ARHGEF3: variants seen among roughly 807,000 people sequenced by gnomAD.
ARHGEF3 encodes the protein 59.8 kDA protein.
In ARHGEF3, 28 loss-of-function variants were observed where a neutral mutation model predicts 63.2. The ratio of observed to expected loss-of-function variants is 0.44; its 90% CI spans 0.33 to 0.61. The LOEUF is 0.61. Among genes scored for constraint, ARHGEF3 ranks in the 20% least tolerant of loss-of-function variants. The pLI is 0.03. For synonymous variants in ARHGEF3, 266 were observed against 254.2 expected (o/e 1.05, Z -0.44); for missense variants, 533 against 659.3 (o/e 0.81, Z 2.10).
intron 4 of ARHGEF3, among the ~76,000 whole-genome samples, chr3:56,857,703 T>G (rs1418700375): frequency 1.3e-5 from 2 of 152,206 alleles, no homozygotes; most frequent in African/African-American, 4.8e-5. Context: ...GGGAATCTGG[T>G]GCCATTTCCT....
intron 2 of ARHGEF3, among the ~76,000 whole-genome samples, chr3:57,015,393 T>C (rs1025467475): frequency 1.3e-5 from 2 of 152,182 alleles, no homozygotes; most frequent in African/African-American, 4.8e-5. Context: ...AGGACCCTCC[T>C]TAGAAAGGTG....
At chr3:56,850,994 G>A (rs1298438684) in intron 4 of ARHGEF3, among the ~76,000 whole-genome samples, 1 of 152,140 alleles carries the variant, frequency 6.6e-6, no homozygotes, top group East Asian at 1.9e-4. Flanking sequence ...AGTGAAGACT[G>A]AATCCCAGGC....
At chr3:56,837,515 A>G (rs2039156242) in intron 4 of ARHGEF3, among the ~76,000 whole-genome samples, 2 of 152,214 alleles carry the variant, frequency 1.3e-5, no homozygotes, top group South Asian at 2.1e-4. Flanking sequence ...AGATGGTCCA[A>G]TAATTACCAA....
rs754036374 is a variant in ARHGEF3, at chr3:56,732,293, A to T, written c.1173T>A (p.Asp391Glu). 10 of 1,614,126 alleles carry T rather than the reference A, an allele frequency of 6.2e-6. No homozygotes were observed. Among genetic ancestry groups the T allele is most frequent in the East Asian group, 2.2e-5 (1 of 44,866 alleles). ...GGGAGCCACCCAGCCTCACTTCTCC[A>T]TCCTGGAGGTCTTCCAGCAGGAGGT... is the stretch of plus-strand genomic sequence containing the variant. ...VKDLLLEDLQ[D>E]GEVRLGGSLR... is the part of the protein sequence containing the mutation. The change falls in exon 9 of 10, where the codon GAT becomes GAA. Residue 391 changes from aspartate to glutamate, a missense_variant. By Grantham distance (45) the Asp-to-Glu change is conservative. This residue lies in a region of ARHGEF3 where 151 missense variants were observed against 190.7 expected (regional missense o/e 0.79). Coordinates refer to ENST00000296315, the MANE Select transcript of ARHGEF3 (RefSeq NM_019555.3).
At chr3:56,934,474 G>A (rs945153216) in intron 3 of ARHGEF3, among the ~76,000 whole-genome samples, 14 of 152,158 alleles carry the variant, frequency 9.2e-5, no homozygotes, top group Admixed American at 2.0e-4. Context: ...AAGGAGAGTC[G>A]CGAGTGGGAA....
intron 4 of ARHGEF3, among the ~76,000 whole-genome samples, chr3:56,849,928 G>A (rs959393718): frequency 6.6e-5 from 10 of 152,100 alleles, no homozygotes; most frequent in Admixed American, 2.0e-4. Context: ...TGGAAAACAC[G>A]CCTTACCAAA....
chr3:56,833,880 A>T (rs1462962602), intron 4 of ARHGEF3, among the ~76,000 whole-genome samples: 1 of 151,336 alleles, frequency 6.6e-6, no homozygotes, highest in Non-Finnish European at 1.5e-5. Context: ...TAACTGTTCA[A>T]TTTTTCTGGA....
Position 56,859,162 on chromosome 3 carries a change from T to C in ARHGEF3, c.192+23130A>G, listed in dbSNP as rs1328008033. On this transcript the variant is annotated intron_variant, in intron 4 of 12. Transcript: ENST00000338458. Reference sequence around the variant, plus strand: ...AGACTTTAAGTTGACTGTATTATTGTTTTGTTTTGTTTTTGAGACGGATGG... The same window carrying C: ...AGACTTTAAGTTGACTGTATTATTGCTTTGTTTTGTTTTTGAGACGGATGG... Among the ~76,000 whole-genome samples the C allele has an allele frequency of 2.0e-5, 3 of 152,108 alleles. No homozygotes were observed. In the East Asian group the frequency reaches 5.8e-4, roughly 29 times the overall value.
At chr3:56,915,234 A>G (rs1033924713) in intron 3 of ARHGEF3, among the ~76,000 whole-genome samples, 1 of 152,072 alleles carries the variant, frequency 6.6e-6, no homozygotes, top group African/African-American at 2.4e-5. Context: ...CTTGAGCTCA[A>G]GGAGGATTGC....
At chr3:56,974,905 C>G (rs1016656183) in intron 2 of ARHGEF3, among the ~76,000 whole-genome samples, 1 of 152,118 alleles carries the variant, frequency 6.6e-6, no homozygotes, top group Admixed American at 6.6e-5. Flanking sequence ...ATTTTTCTAA[C>G]CAGGACTCCT....
At position 57,004,308 on chromosome 3, in the gene ARHGEF3, G is replaced by A. The variant is rs1306217069; in HGVS notation, c.62+30780C>T. On this transcript the variant is annotated intron_variant, in intron 2 of 12. Transcript: ENST00000338458. ...AGTGGATTCATTTTCTAATAGATCC[G>A]CCCTGATAACGTGTCCACATTTGCA... is the stretch of plus-strand genomic sequence containing the variant. 3.3e-5 allele frequency among the ~76,000 whole-genome samples: 5 copies of A among 152,324 alleles called. No homozygotes were observed. The East Asian group carries it at 5.8e-4, about 18-fold the overall frequency.
chr3:56,825,876 T>C (rs1216118599), intron 4 of ARHGEF3, among the ~76,000 whole-genome samples: 6 of 152,174 alleles, frequency 3.9e-5, no homozygotes, highest in Non-Finnish European at 5.9e-5. Flanking sequence ...TCGGAGCTTA[T>C]GGTTAAAATG....
chr3:56,946,531 TG>T (rs1336905261), intron 3 of ARHGEF3, among the ~76,000 whole-genome samples: 3 of 152,104 alleles, frequency 2.0e-5, no homozygotes, highest in Non-Finnish European at 4.4e-5. Context: ...GTATCAGTGA[TG>T]GAACATCAAA....
intron 1 of ARHGEF3, among the ~76,000 whole-genome samples, chr3:57,042,938 C>A (rs1412199948): frequency 6.6e-6 from 1 of 151,226 alleles, no homozygotes; most frequent in African/African-American, 2.4e-5. Context: ...ACCTCGTGAT[C>A]TGCCCTCCTC....
chr3:57,042,311 C>A (rs1011799151), intron 1 of ARHGEF3, among the ~76,000 whole-genome samples: 4 of 151,992 alleles, frequency 2.6e-5, no homozygotes, highest in Admixed American at 6.6e-5. Flanking sequence ...TCTAGATGCA[C>A]TAGCATGGGA....
intron 2 of ARHGEF3, among the ~76,000 whole-genome samples, chr3:57,031,541 C>T (rs1703735737): frequency 6.6e-6 from 1 of 152,192 alleles, no homozygotes; most frequent in South Asian, 2.1e-4. Flanking sequence ...AACCACCGCT[C>T]AGATGTGTGC....
intron 4 of ARHGEF3, among the ~76,000 whole-genome samples, chr3:56,826,585 C>G (rs2038720584): frequency 6.6e-6 from 1 of 152,126 alleles, no homozygotes; most frequent in Non-Finnish European, 1.5e-5. Flanking sequence ...AGGAAAATGT[C>G]AAGGATGTTT....
intron 1 of ARHGEF3, among the ~76,000 whole-genome samples, chr3:57,061,120 G>A (rs957090722): frequency 6.6e-6 from 1 of 152,024 alleles, no homozygotes; most frequent in Non-Finnish European, 1.5e-5. Flanking sequence ...TACCCATTCA[G>A]CGGTAACTCC....
chr3:57,020,673 T>C (rs1182191840), intron 2 of ARHGEF3, among the ~76,000 whole-genome samples: 1 of 152,220 alleles, frequency 6.6e-6, no homozygotes. Context: ...GAGAATGATT[T>C]CAACACAGAA....
Sources: allele counts gnomAD v4.1 joint callset (sites outside exome capture counted in the v4.1 genomes callset), GRCh38; gene constraint gnomAD v4.1.1; regional missense constraint gnomAD v4.1.1; transcripts MANE v1.5; gene names NCBI Gene and HGNC (gene_info 2026-07-23, HGNC 2026-07-21).